JAKMIP2: variants seen among roughly 807,000 people sequenced by gnomAD.
The protein encoded by JAKMIP2 is janus kinase and microtubule-interacting protein 2.
In JAKMIP2, 25 loss-of-function variants were observed where a neutral mutation model predicts 115.0. That is an observed-to-expected ratio of 0.22 (90% CI 0.16 to 0.30). JAKMIP2 has a LOEUF of 0.30. Ranked by LOEUF, JAKMIP2 falls within the 10% of genes least tolerant of loss-of-function variation. The probability of loss-of-function intolerance (pLI) is 1.00; values close to 1 mark genes in which losing one functional copy is unlikely to be tolerated. For missense variants in JAKMIP2, 642 were observed against 957.6 expected, an observed-to-expected ratio of 0.67 and a Z score of 4.35; for synonymous variants, 334 against 343.6, an observed-to-expected ratio of 0.97 and a Z score of 0.31.
At chr5:147,663,595 T>C (rs1759143187) in intron 2 of JAKMIP2, among the ~76,000 whole-genome samples, 1 of 152,228 alleles carries the variant, frequency 6.6e-6, no homozygotes, top group Admixed American at 6.5e-5. Context: ...ATCCTATTAG[T>C]TCTGTCCCTC....
intron 2 of JAKMIP2, among the ~76,000 whole-genome samples, chr5:147,668,678 C>T (rs1243704874): frequency 6.6e-6 from 1 of 152,180 alleles, no homozygotes; most frequent in African/African-American, 2.4e-5. Context: ...CATGAAAGCA[C>T]TTAACATGCT....
intron 3 of JAKMIP2, chr5:147,660,310 A>C: frequency 3.3e-6 from 1 of 299,514 alleles, no homozygotes; most frequent in Non-Finnish European, 6.7e-6. Flanking sequence ...CTTGGAAACT[A>C]TAAATAGCAA....
At chr5:147,609,275 G>A (rs979855070) in intron 20 of JAKMIP2, among the ~76,000 whole-genome samples, 2 of 152,198 alleles carry the variant, frequency 1.3e-5, no homozygotes, top group East Asian at 1.9e-4. Context: ...TAGCGTTGAC[G>A]GTCTTTGCAT....
intron 1 of JAKMIP2, among the ~76,000 whole-genome samples, chr5:147,707,767 A>C (rs1752635390): frequency 6.6e-6 from 1 of 152,206 alleles, no homozygotes; most frequent in South Asian, 2.1e-4. Context: ...TGAGTCAATG[A>C]CTGATATGCA....
At chr5:147,780,395 C>T (rs1171725528) in intron 1 of JAKMIP2, among the ~76,000 whole-genome samples, 1 of 152,150 alleles carries the variant, frequency 6.6e-6, no homozygotes, top group Non-Finnish European at 1.5e-5. Context: ...AACAAAGCCC[C>T]AGGATATCTG....
intron 21 of JAKMIP2, among the ~76,000 whole-genome samples, chr5:147,597,178 TGGCC>T (rs1755436280): frequency 6.6e-6 from 1 of 152,042 alleles, no homozygotes; most frequent in Admixed American, 6.6e-5. Context: ...CCACCGCGCC[TGGCC>T]GATCGTACTA....
At chr5:147,675,807 T>G (rs10058836) in intron 1 of JAKMIP2, among the ~76,000 whole-genome samples, 3 of 122,988 alleles carry the variant, frequency 2.4e-5, no homozygotes, top group Non-Finnish European at 1.6e-5. Flanking sequence ...TTTTTTTTTG[T>G]GACTGGCTTC....
chr5:147,731,884 C>T (rs1753747555), intron 1 of JAKMIP2, among the ~76,000 whole-genome samples: 1 of 152,220 alleles, frequency 6.6e-6, no homozygotes, highest in Non-Finnish European at 1.5e-5. Context: ...ATTTGCACAT[C>T]TCCCAGTGTT....
rs1287077166 is a variant in JAKMIP2, at chr5:147,661,025, G to A, written c.550C>T (p.Leu184Phe). 1 of 1,613,986 alleles carries A rather than the reference G, an allele frequency of 6.2e-7. No individual in the cohort carries two copies. Among genetic ancestry groups the A allele is most frequent in the Non-Finnish European group, 8.5e-7 (1 of 1,180,018 alleles). ...IQADKIKAGD[L>F]RSEHQSHQEA... ...TGGTGGGACTGATGCTCACTCCGAA[G>A]GTCCCCAGCCTTGATTTTATCTGCT... The change falls in exon 3 of 22, where the codon CTT becomes TTT. Residue 184 changes from leucine (L) to phenylalanine (F), a missense_variant. Physicochemically the swap from Leu to Phe is conservative, Grantham distance 22 (BLOSUM62 0). Coordinates refer to ENST00000616793, the MANE Select transcript of JAKMIP2 (RefSeq NM_001270941.2).
intron 20 of JAKMIP2, among the ~76,000 whole-genome samples, chr5:147,604,799 T>G (rs1385938278): frequency 1.2e-5 from 1 of 82,794 alleles, no homozygotes; most frequent in Admixed American, 1.5e-4. Context: ...GGGCCAGACA[T>G]TTTATTATTA....
At chr5:147,774,453 A>G (rs1254422511) in intron 1 of JAKMIP2, among the ~76,000 whole-genome samples, 5 of 152,184 alleles carry the variant, frequency 3.3e-5, no homozygotes, top group Non-Finnish European at 7.3e-5. Context: ...GGTTATCATC[A>G]TATAAAAATT....
chr5:147,605,490 T>C (rs1040528440), intron 20 of JAKMIP2, among the ~76,000 whole-genome samples: 1 of 152,128 alleles, frequency 6.6e-6, no homozygotes, highest in African/African-American at 2.4e-5. Context: ...ATTACAGGTG[T>C]GAGCCACCGG....
At chr5:147,703,859 A>G (rs916235962) in intron 1 of JAKMIP2, among the ~76,000 whole-genome samples, 60 of 150,356 alleles carry the variant, frequency 4.0e-4, no homozygotes, top group African/African-American at 1.4e-3. Context: ...CTGCTATACA[A>G]TACATTTTCT....
chr5:147,622,104 T>C (rs1756879872), intron 17 of JAKMIP2, among the ~76,000 whole-genome samples: 2 of 152,178 alleles, frequency 1.3e-5, no homozygotes, highest in African/African-American at 4.8e-5. Flanking sequence ...TGACCTCAGG[T>C]AATCTGCCTG....
intron 16 of JAKMIP2, among the ~76,000 whole-genome samples, chr5:147,626,759 C>A (rs545203451): frequency 1.3e-5 from 2 of 152,318 alleles, no homozygotes; most frequent in Admixed American, 1.3e-4. Flanking sequence ...GTGAGACACA[C>A]AAGGCTGTAT....
Position 147,650,425 on chromosome 5 carries a change from C to G in JAKMIP2, c.750G>C (p.Leu250=), listed in dbSNP as rs770565777. 2 of 1,613,840 alleles carry G rather than the reference C, an allele frequency of 1.2e-6. No homozygotes were observed. Among genetic ancestry groups the G allele is most frequent in the South Asian group, 2.2e-5 (2 of 91,056 alleles). ...QKEALDEQLF[L]VKEAECNMSS... is the part of the protein sequence containing the mutation. ...TCATGTTGCACTCAGCCTCCTTGAC[C>G]AGAAAGAGTTGTTCGTCCAAAGCCT... The change falls in exon 4 of 22, where the codon CTG becomes CTC. Residue 250 remains leucine, a synonymous_variant. Coordinates refer to ENST00000616793, the MANE Select transcript of JAKMIP2 (RefSeq NM_001270941.2).
At chr5:147,650,637 G>GT in intron 3 of JAKMIP2, 90 bp from the exon 4 acceptor site, 1 of 939,082 alleles carries the variant, frequency 1.1e-6, no homozygotes, top group Non-Finnish European at 1.6e-6. Context: ...TCTTTTATCT[G>GT]ATTGATACAG....
chr5:147,781,576 G>C (rs1422441648), intron 1 of JAKMIP2, among the ~76,000 whole-genome samples: 2 of 152,080 alleles, frequency 1.3e-5, no homozygotes, highest in East Asian at 1.9e-4. Flanking sequence ...AAAGAGGCAG[G>C]CTACAAATTT....
intron 1 of JAKMIP2, among the ~76,000 whole-genome samples, chr5:147,753,742 A>G (rs1754643596): frequency 6.6e-6 from 1 of 152,118 alleles, no homozygotes; most frequent in African/African-American, 2.4e-5. Context: ...AGAAAAGCTA[A>G]TCTACCCCTT....
Sources: allele counts gnomAD v4.1 joint callset (sites outside exome capture counted in the v4.1 genomes callset), GRCh38; gene constraint gnomAD v4.1.1; transcripts MANE v1.5; gene names NCBI Gene and HGNC (gene_info 2026-07-23, HGNC 2026-07-21).